FER1L6: variants seen among roughly 807,000 people sequenced by gnomAD.
FER1L6 encodes the protein fer-1-like protein 6.
Under a neutral mutation model 219.2 loss-of-function variants are expected in FER1L6, and 177 were observed. The ratio of observed to expected loss-of-function variants is 0.81; its 90% confidence interval spans 0.71 to 0.91. The LOEUF is 0.91. Ranked by LOEUF, FER1L6 falls within the 40% of genes least tolerant of loss-of-function variation. The pLI is 0.00. For missense variants in FER1L6, 2,153 were observed against 2,259.9 expected (o/e 0.95, Z 0.96); for synonymous variants, 768 against 824.3 (o/e 0.93, Z 1.17).
chr8:124,087,612 C>T (rs1238929408), intron 33 of FER1L6, among the ~76,000 whole-genome samples: 1 of 152,014 alleles, frequency 6.6e-6, no homozygotes, highest in Non-Finnish European at 1.5e-5. Flanking sequence ...TAATGTTTTC[C>T]CGGATGGCCC....
chr8:124,013,478 G>C lies in FER1L6; in HGVS notation c.1869G>C (p.Glu623Asp). ...EVRELIKISQ[E>D]APEEKMKTVL... The stretch of plus-strand genomic sequence containing the variant: ...GAGAATTGATCAAGATTTCACAGGA[G>C]GCACCTGAAGAGAAAATGAAAACAG... Residue 623 changes from glutamate (E) to aspartate (D), a missense_variant, in exon 15 of 41, where the codon GAG (glutamate) becomes GAC (aspartate). Coordinates refer to ENST00000522917, the MANE Select transcript of FER1L6 (RefSeq NM_001039112.2). The C allele has an allele frequency of 6.2e-7, 1 of 1,610,270 alleles. No individual in the cohort carries two copies. Among genetic ancestry groups the C allele is most frequent in the African/African-American group, 1.3e-5 (1 of 74,830 alleles).
chr8:124,095,482 C>T (rs879363747), intron 35 of FER1L6, among the ~76,000 whole-genome samples: 2 of 152,168 alleles, frequency 1.3e-5, no homozygotes, highest in Non-Finnish European at 2.9e-5. Context: ...CACAAACACA[C>T]AATTTTCCCA....
In FER1L6 at chr8:124,120,001, C is replaced by A; in HGVS notation, c.*211C>A. On this transcript the variant is annotated 3_prime_UTR_variant, in exon 41 of 41. Transcript: ENST00000522917. Reference sequence around the variant, plus strand: ...TGTAAGGCATGTTTTATCCCTTGGGCAGCATGAAATAAGGCACTTTCACCT... The same window carrying A: ...TGTAAGGCATGTTTTATCCCTTGGGAAGCATGAAATAAGGCACTTTCACCT... The A allele has an allele frequency of 2.2e-6, 1 of 453,746 alleles. No homozygotes were observed. Among genetic ancestry groups the A allele is most frequent in the Non-Finnish European group, 3.8e-6 (1 of 262,148 alleles). 28.1% of individuals were successfully genotyped at this position (453,746 alleles called of 1,614,324 possible).
At position 123,900,666 on chromosome 8, in the gene FER1L6, C is replaced by T. The variant is rs113626772; in HGVS notation, c.-8+48481C>T. ...TCATAGATGGCTTTAATTACATTAA[C>T]GTATGTCCCTTGTATGCCGATTTTG... On this transcript the variant is annotated intron_variant, in intron 1 of 40. Coordinates refer to ENST00000522917, the MANE Select transcript of FER1L6 (RefSeq NM_001039112.2). Among the ~76,000 whole-genome samples, 854 of 152,184 alleles carry T rather than the reference C, an allele frequency of 5.6e-3. 6 individuals carry two copies. The highest frequency in any genetic ancestry group is 0.019 in the African/African-American group (803 of 41,524).
At chr8:123,936,161 G>A (rs776851365) in intron 1 of FER1L6, among the ~76,000 whole-genome samples, 1 of 152,076 alleles carries the variant, frequency 6.6e-6, no homozygotes, top group African/African-American at 2.4e-5. Context: ...GTTACTGTAG[G>A]AGGAATGCCA....
intron 11 of FER1L6, among the ~76,000 whole-genome samples, chr8:123,982,714 A>C (rs557365804): frequency 6.6e-6 from 1 of 152,316 alleles, no homozygotes; most frequent in African/African-American, 2.4e-5. Context: ...TGAAGTTTCC[A>C]TCAAGGCGAG....
chr8:124,021,357 A>G (rs1434766518), intron 16 of FER1L6, among the ~76,000 whole-genome samples, 193 bp from the exon 17 acceptor site: 1 of 152,060 alleles, frequency 6.6e-6, no homozygotes, highest in Non-Finnish European at 1.5e-5. Flanking sequence ...CAGAGGTGAG[A>G]TGATATTACA....
chr8:123,950,873 T>G (rs1814731886), intron 1 of FER1L6, among the ~76,000 whole-genome samples: 1 of 152,114 alleles, frequency 6.6e-6, no homozygotes, highest in East Asian at 1.9e-4. Flanking sequence ...CAGAAGAGGA[T>G]TGTTCTTTTT....
intron 39 of FER1L6, among the ~76,000 whole-genome samples, chr8:124,116,619 T>C (rs555137592): frequency 6.6e-6 from 1 of 152,366 alleles, no homozygotes; most frequent in Admixed American, 6.5e-5. Context: ...AAGGGGCAGC[T>C]GCAATCCTCT....
intron 26 of FER1L6, among the ~76,000 whole-genome samples, chr8:124,065,443 G>A (rs1489579538): frequency 6.7e-6 from 1 of 149,470 alleles, no homozygotes; most frequent in African/African-American, 2.5e-5. Flanking sequence ...GGAACAGCCT[G>A]CCCAGCAAAT....
chr8:124,004,382 T>C (rs1293739236), intron 13 of FER1L6: 2 of 152,134 alleles, frequency 1.3e-5, no homozygotes, highest in African/African-American at 4.8e-5. Flanking sequence ...GAATATTTCT[T>C]CCCCCATTTT....
chr8:123,855,422 A>G lies in FER1L6; in HGVS notation c.-8+3237A>G, dbSNP rs948684286. 3.9e-5 allele frequency among the ~76,000 whole-genome samples: 6 copies of G among 152,242 alleles called. No individual in the cohort carries two copies. In the East Asian group the frequency reaches 5.8e-4, roughly 15 times the overall value. ...GTAAGTTCTGGTTCTAACTTAAACA[A>G]TACATAGAGGTTGGTGCCATGGAGG... On this transcript the variant is annotated intron_variant, in intron 1 of 40. Transcript: ENST00000522917.
chr8:123,934,182 C>G (rs1034392762), intron 1 of FER1L6, among the ~76,000 whole-genome samples: 1 of 152,290 alleles, frequency 6.6e-6, no homozygotes, highest in East Asian at 1.9e-4. Flanking sequence ...GGCGCCACGT[C>G]GATCTCAGTT....
At chr8:123,933,802 C>CT (rs988050344) in intron 1 of FER1L6, among the ~76,000 whole-genome samples, 18 of 151,972 alleles carry the variant, frequency 1.2e-4, no homozygotes, top group African/African-American at 4.8e-5. Flanking sequence ...ATTTTTCTTG[C>CT]TTTTTTTTCC....
At chr8:124,019,031 G>A (rs1458920474) in intron 16 of FER1L6, among the ~76,000 whole-genome samples, 1 of 152,126 alleles carries the variant, frequency 6.6e-6, no homozygotes, top group Admixed American at 6.5e-5. Context: ...TCCATCTTCT[G>A]TATTACAACC....
intron 9 of FER1L6, among the ~76,000 whole-genome samples, chr8:123,976,363 G>A (rs1454295116): frequency 6.6e-6 from 1 of 152,028 alleles, no homozygotes; most frequent in Non-Finnish European, 1.5e-5. Flanking sequence ...AATTAGCTGG[G>A]CGTGGGCGTG....
chr8:123,998,856 A>G (rs1817271624), intron 12 of FER1L6, among the ~76,000 whole-genome samples: 1 of 152,140 alleles, frequency 6.6e-6, no homozygotes, highest in South Asian at 2.1e-4. Flanking sequence ...CTAGCCCCAC[A>G]GCAAGTACTG....
intron 1 of FER1L6, among the ~76,000 whole-genome samples, chr8:123,919,097 C>T (rs1377412973): frequency 6.6e-6 from 1 of 152,096 alleles, no homozygotes; most frequent in East Asian, 1.9e-4. Flanking sequence ...AGAGTGGGGA[C>T]TTGAAGGATG....
At chr8:123,912,145 A>C (rs1017516262) in intron 1 of FER1L6, among the ~76,000 whole-genome samples, 2 of 152,178 alleles carry the variant, frequency 1.3e-5, no homozygotes, top group African/African-American at 2.4e-5. Context: ...CACAGCAGCC[A>C]GCCTTTATGA....
Sources: allele counts gnomAD v4.1 joint callset (sites outside exome capture counted in the v4.1 genomes callset), GRCh38; gene constraint gnomAD v4.1.1; transcripts MANE v1.5; gene names NCBI Gene and HGNC (gene_info 2026-07-23, HGNC 2026-07-21).